The following EPN2 variants were observed in gnomAD, a reference collection of about 807,000 sequenced individuals.
EPN2 encodes epsin 2, also known as epsin-2.
In EPN2, 34 loss-of-function variants were observed where a neutral mutation model predicts 61.7. The ratio of observed to expected loss-of-function variants is 0.55; its 90% CI spans 0.42 to 0.73. The LOEUF (loss-of-function observed/expected upper bound fraction) is 0.73, where lower values mean the gene tolerates loss of function less well. EPN2 is among the 30% of genes least tolerant of loss of function. EPN2 has a pLI of 0.00. For synonymous variants in EPN2, 349 were observed against 353.6 expected (o/e 0.99, Z 0.15); for missense variants, 714 against 839.2 (o/e 0.85, Z 1.84).
intron 1 of EPN2, among the ~76,000 whole-genome samples, chr17:19,273,537 A>G (rs1394572891): frequency 1.3e-5 from 2 of 152,106 alleles, no homozygotes; most frequent in Non-Finnish European, 2.9e-5. Context: ...AAAAAAAACT[A>G]TTCATTTTTA....
chr17:19,309,331 A>G (rs532434886), intron 4 of EPN2, among the ~76,000 whole-genome samples: 6 of 152,174 alleles, frequency 3.9e-5, no homozygotes, highest in Non-Finnish European at 1.5e-5. Flanking sequence ...GCGTTTCACC[A>G]TGTTGGCCAG....
At chr17:19,320,808 C>A (rs889064810) in intron 7 of EPN2, among the ~76,000 whole-genome samples, 5 of 152,206 alleles carry the variant, frequency 3.3e-5, no homozygotes, top group Non-Finnish European at 7.3e-5. Context: ...TTATCCAGAA[C>A]CTGTTAGAAG....
rs1317534253 is a variant in EPN2, at chr17:19,333,953, C to T, written c.1628-3C>T. On this transcript the variant is annotated splice_polypyrimidine_tract_variant and splice_region_variant and intron_variant, in intron 10 of 10. Coordinates refer to ENST00000314728, the MANE Select transcript of EPN2 (RefSeq NM_014964.5). ...GCCTCTGCCCCTCCTTCTGTCTCCC[C>T]AGGTGCTCCCGCCACCTCGGCCCCT... The T allele has an allele frequency of 1.3e-6, 2 of 1,533,588 alleles. No homozygotes were observed. Among genetic ancestry groups the T allele is most frequent in the Admixed American group, 1.9e-5 (1 of 51,904 alleles). 95.0% of individuals were successfully genotyped at this position (1,533,588 alleles called of 1,614,324 possible).
At chr17:19,272,855 G>A (rs1436909502) in intron 1 of EPN2, among the ~76,000 whole-genome samples, 1 of 150,944 alleles carries the variant, frequency 6.6e-6, no homozygotes, top group East Asian at 1.9e-4. Context: ...CCATACCCCT[G>A]TTTTCCTGGA....
At chr17:19,282,845 G>T (rs949800012) in intron 2 of EPN2, 105 bp from the exon 3 acceptor site, 4 of 383,916 alleles carry the variant, frequency 1.0e-5, no homozygotes. Context: ...GGCTGGGTAT[G>T]TCCACTCAGC....
At chr17:19,307,041 A>T (rs1905879022) in intron 4 of EPN2, among the ~76,000 whole-genome samples, 1 of 152,142 alleles carries the variant, frequency 6.6e-6, no homozygotes, top group Admixed American at 6.6e-5. Flanking sequence ...TTCCATGTGG[A>T]TGGTGACATC....
At chr17:19,258,938 A>C (rs528600220) in intron 1 of EPN2, among the ~76,000 whole-genome samples, 1 of 152,332 alleles carries the variant, frequency 6.6e-6, no homozygotes, top group South Asian at 2.1e-4. Flanking sequence ...TTGGAAGTCT[A>C]TGTGTGTGCC....
chr17:19,309,855 T>C (rs1906031062), intron 4 of EPN2, 30 bp from the exon 5 acceptor site: 3 of 1,572,364 alleles, frequency 1.9e-6, no homozygotes, highest in Non-Finnish European at 2.6e-6. Flanking sequence ...CCTTGTCTTT[T>C]GCATATGATG....
At chr17:19,304,419 G>T (rs1365167821) in intron 4 of EPN2, among the ~76,000 whole-genome samples, 3 of 152,240 alleles carry the variant, frequency 2.0e-5, no homozygotes, top group Non-Finnish European at 4.4e-5. Context: ...CCTGTGCTCA[G>T]TGCTGGCTCC....
chr17:19,325,036 C>T (rs1906805258), intron 7 of EPN2, among the ~76,000 whole-genome samples: 1 of 152,082 alleles, frequency 6.6e-6, no homozygotes, highest in African/African-American at 2.4e-5. Context: ...AAAAAGGAAA[C>T]AGCAAAGCTA....
At chr17:19,260,081 TG>T (rs949673358) in intron 1 of EPN2, among the ~76,000 whole-genome samples, 1 of 152,238 alleles carries the variant, frequency 6.6e-6, no homozygotes, top group Non-Finnish European at 1.5e-5. Context: ...AGACAGGGAC[TG>T]TGTCAGGTTG....
At chr17:19,253,522 T>G (rs1212031097) in intron 1 of EPN2, among the ~76,000 whole-genome samples, 2 of 150,448 alleles carry the variant, frequency 1.3e-5, no homozygotes, top group African/African-American at 4.9e-5. Flanking sequence ...TCAAGGGATC[T>G]TCCCACCTCA....
At chr17:19,239,041 T>G (rs1401462321) in intron 1 of EPN2, among the ~76,000 whole-genome samples, 1 of 152,234 alleles carries the variant, frequency 6.6e-6, no homozygotes, top group East Asian at 1.9e-4. Context: ...TCATCTGTAT[T>G]TAAATGAACA....
Position 19,285,591 on chromosome 17 carries a change from G to A in EPN2, c.596-29G>A. 1 of 738,654 alleles carries A rather than the reference G, an allele frequency of 1.4e-6. No homozygotes were observed. Among genetic ancestry groups the A allele is most frequent in the Non-Finnish European group, 1.8e-6 (1 of 569,396 alleles). 45.8% of individuals were successfully genotyped at this position (738,654 alleles called of 1,614,324 possible). A position where few individuals can be genotyped will look rare whatever the true frequency, so the allele number is the denominator to read the frequency against. ...GCACCCTCTAATGGCGTGTCTCTCT[G>A]TGTGTGTGTGTGTGTCCCTGCCCCA... On this transcript the variant is annotated intron_variant, in intron 3 of 10. Coordinates refer to ENST00000314728, the MANE Select transcript of EPN2 (RefSeq NM_014964.5). The surrounding 1 kb of genome is among the most constrained non-coding windows in gnomAD (Gnocchi z 4.5).
chr17:19,309,881 A>C lies in EPN2; in HGVS notation c.767-4A>C. 1 of 1,605,014 alleles carries C rather than the reference A, an allele frequency of 6.2e-7. No individual in the cohort carries two copies. Among genetic ancestry groups the C allele is most frequent in the East Asian group, 2.2e-5 (1 of 44,872 alleles). On this transcript the variant is annotated splice_region_variant and splice_polypyrimidine_tract_variant and intron_variant, in intron 4 of 10. Coordinates refer to ENST00000314728, the MANE Select transcript of EPN2 (RefSeq NM_014964.5). Reference sequence around the variant, plus strand: ...GCATATGATGACTTGGTCTTCCCCAACAGCCACCTCCCCGCGAGTGTCCTC... The same window carrying C: ...GCATATGATGACTTGGTCTTCCCCACCAGCCACCTCCCCGCGAGTGTCCTC...
At chr17:19,305,117 G>A (rs577917669) in intron 4 of EPN2, among the ~76,000 whole-genome samples, 21 of 145,514 alleles carry the variant, frequency 1.4e-4, no homozygotes, top group Middle Eastern at 3.7e-3. Flanking sequence ...ATATACTTTG[G>A]TTTTTTTTTT....
chr17:19,291,796 T>C (rs962237802), intron 4 of EPN2, among the ~76,000 whole-genome samples: 7 of 152,132 alleles, frequency 4.6e-5, no homozygotes, highest in African/African-American at 1.7e-4. Flanking sequence ...TGTGCGCTGT[T>C]TCATGAGTAT....
intron 1 of EPN2, among the ~76,000 whole-genome samples, chr17:19,258,643 T>G (rs556779976): frequency 8.1e-4 from 123 of 152,300 alleles, no homozygotes; most frequent in Non-Finnish European, 1.3e-3. Context: ...TAACTGTGAT[T>G]TAACCTAGAG....
chr17:19,253,189 A>G (rs1042065083), intron 1 of EPN2, among the ~76,000 whole-genome samples: 2 of 152,094 alleles, frequency 1.3e-5, no homozygotes, highest in African/African-American at 2.4e-5. Context: ...GGGTTTGCCT[A>G]TTCTGGACAT....
Sources: allele counts gnomAD v4.1 joint callset (sites outside exome capture counted in the v4.1 genomes callset), GRCh38; gene constraint gnomAD v4.1.1; non-coding constraint Gnocchi (gnomAD v3.1); transcripts MANE v1.5; gene names NCBI Gene and HGNC (gene_info 2026-07-23, HGNC 2026-07-21).